Variants in ERBB4 observed in about 807,000 individuals in gnomAD.
ERBB4 encodes the protein receptor tyrosine-protein kinase erbB-4.
A neutral mutation model predicts 158.0 loss-of-function variants in ERBB4; 42 were observed. The ratio of observed to expected loss-of-function variants is 0.27; its 90% CI spans 0.21 to 0.34. The LOEUF (loss-of-function observed/expected upper bound fraction) is 0.34, where lower values mean the gene tolerates loss of function less well. Ranked by LOEUF, ERBB4 falls within the 10% of genes least tolerant of loss-of-function variation. ERBB4 has a pLI of 1.00. For synonymous variants in ERBB4, 583 were observed against 558.7 expected, an observed-to-expected ratio of 1.04 and a Z score of -0.61; for missense variants, 1,333 against 1,624.1, an observed-to-expected ratio of 0.82 and a Z score of 3.08.
chr2:211,606,705 C>T (rs760166104), intron 19 of ERBB4, among the ~76,000 whole-genome samples: 31 of 152,096 alleles, frequency 2.0e-4, no homozygotes, highest in Non-Finnish European at 1.6e-4. Flanking sequence ...TTAAAATCAA[C>T]ATTATATGAA....
intron 2 of ERBB4, among the ~76,000 whole-genome samples, chr2:212,050,474 G>A (rs1159059402): frequency 6.6e-6 from 1 of 152,016 alleles, no homozygotes; most frequent in African/African-American, 2.4e-5. Context: ...TAGTCCTCCT[G>A]GTTTGACTCT....
chr2:211,729,793 T>C (rs1350442823), intron 5 of ERBB4, among the ~76,000 whole-genome samples: 2 of 151,976 alleles, frequency 1.3e-5, no homozygotes, highest in East Asian at 3.8e-4. Context: ...AATTCCATCC[T>C]TGCTCAAATA....
intron 3 of ERBB4, among the ~76,000 whole-genome samples, chr2:211,815,383 T>C (rs947224247): frequency 1.3e-5 from 2 of 152,210 alleles, no homozygotes; most frequent in Non-Finnish European, 2.9e-5. Context: ...TCTCCTCAGG[T>C]GTTATGTTTT....
chr2:211,795,473 T>C (rs895677894), intron 3 of ERBB4, among the ~76,000 whole-genome samples: 8 of 151,926 alleles, frequency 5.3e-5, no homozygotes, highest in African/African-American at 1.9e-4. Context: ...CATACTAACA[T>C]TGCTTTAATC....
chr2:211,414,727 A>G (rs2063344661), intron 25 of ERBB4, among the ~76,000 whole-genome samples: 1 of 152,108 alleles, frequency 6.6e-6, no homozygotes, highest in African/African-American at 2.4e-5. Context: ...GATGTTTAAC[A>G]GCAACTTGAA....
At chr2:211,430,918 C>G (rs147466636) in intron 21 of ERBB4, 27 bp downstream of exon 21, 6 of 1,581,612 alleles carry the variant, frequency 3.8e-6, no homozygotes, top group Non-Finnish European at 2.6e-6. Flanking sequence ...TATTTTCAAG[C>G]AAGATTGCTC....
At chr2:211,543,137 T>A (rs1485114624) in intron 20 of ERBB4, among the ~76,000 whole-genome samples, 2 of 152,014 alleles carry the variant, frequency 1.3e-5, no homozygotes, top group Non-Finnish European at 2.9e-5. Flanking sequence ...AAATTCTTGA[T>A]TCTAGTAGTC....
chr2:211,911,992 C>G (rs2079552113), intron 3 of ERBB4, among the ~76,000 whole-genome samples: 2 of 152,112 alleles, frequency 1.3e-5, no homozygotes, highest in South Asian at 4.2e-4. Flanking sequence ...GGAAACACAC[C>G]AGCCACAGAT....
intron 4 of ERBB4, among the ~76,000 whole-genome samples, chr2:211,778,099 G>A (rs1282200717): frequency 1.3e-5 from 2 of 152,100 alleles, no homozygotes; most frequent in African/African-American, 4.8e-5. Flanking sequence ...ACCATTGGGG[G>A]AAAAAGGCAG....
At chr2:211,934,926 T>TAAAGAAAAAAAAAAA (rs2080273321) in intron 3 of ERBB4, among the ~76,000 whole-genome samples, 1 of 86,646 alleles carries the variant, frequency 1.2e-5, no homozygotes, top group Non-Finnish European at 2.5e-5. Flanking sequence ...CTCATTCAGC[T>TAAAGAAAAAAAAAAA]AAAAAAAAAA....
At chr2:212,403,014 A>G (rs1193680372) in intron 1 of ERBB4, among the ~76,000 whole-genome samples, 1 of 152,094 alleles carries the variant, frequency 6.6e-6, no homozygotes, top group Non-Finnish European at 1.5e-5. Context: ...GACTAATTAT[A>G]TCTACTAATT....
intron 1 of ERBB4, among the ~76,000 whole-genome samples, chr2:212,184,541 C>T (rs10204154): frequency 0.05 from 7,620 of 152,088 alleles, 628 homozygotes; most frequent in African/African-American, 0.17. Flanking sequence ...CAAGTACAGT[C>T]AAACACTTAC....
intron 20 of ERBB4, among the ~76,000 whole-genome samples, chr2:211,460,066 A>T (rs1355986580): frequency 2.9e-5 from 4 of 138,830 alleles, no homozygotes; most frequent in Non-Finnish European, 6.5e-5. Flanking sequence ...AATCTCCATA[A>T]TAACCACCTT....
intron 20 of ERBB4, among the ~76,000 whole-genome samples, chr2:211,432,605 C>CAA (rs60438750): frequency 7.7e-4 from 104 of 135,096 alleles, no homozygotes; most frequent in Non-Finnish European, 1.2e-3. Context: ...CTTAAAGGAT[C>CAA]AAAAAAAAAA....
intron 1 of ERBB4, among the ~76,000 whole-genome samples, chr2:212,284,747 C>G (rs962022818): frequency 2.6e-5 from 4 of 151,936 alleles, no homozygotes; most frequent in Non-Finnish European, 5.9e-5. Flanking sequence ...TGTATTTCTT[C>G]CTCTTTAGTT....
intron 3 of ERBB4, among the ~76,000 whole-genome samples, chr2:211,901,454 C>T (rs1041937732): frequency 1.4e-4 from 22 of 152,080 alleles, no homozygotes; most frequent in African/African-American, 5.3e-4. Flanking sequence ...CTGTCAGAGC[C>T]CACGGAGATA....
chr2:211,618,981 C>G (rs2069493220), intron 19 of ERBB4, among the ~76,000 whole-genome samples, 196 bp downstream of exon 19: 1 of 152,002 alleles, frequency 6.6e-6, no homozygotes. Context: ...TCTAGGCAGA[C>G]AGTTGTGAAG....
At chr2:212,532,451 A>G (rs947045051) in intron 1 of ERBB4, among the ~76,000 whole-genome samples, 2 of 151,960 alleles carry the variant, frequency 1.3e-5, no homozygotes, top group African/African-American at 4.8e-5. Flanking sequence ...AACAACAACA[A>G]CAAAAAAGAG....
At chr2:211,851,964 T>C (rs13409698) in intron 3 of ERBB4, among the ~76,000 whole-genome samples, 37,216 of 151,788 alleles carry the variant, frequency 0.25, 5,538 homozygotes, top group East Asian at 0.42. Flanking sequence ...TTTTCTTCTA[T>C]AGAGACATCT....
Sources: allele counts gnomAD v4.1 joint callset (sites outside exome capture counted in the v4.1 genomes callset), GRCh38; gene constraint gnomAD v4.1.1; transcripts MANE v1.5; gene names NCBI Gene and HGNC (gene_info 2026-07-23, HGNC 2026-07-21).